Variants in XIRP2 observed in about 807,000 individuals in gnomAD.
The protein encoded by XIRP2 is xin actin binding repeat containing 2.
XIRP2 carries 236 observed loss-of-function variants against 277.0 expected under a neutral mutation model. The observed-to-expected ratio is 0.85, with a 90% CI of 0.77 to 0.95. The LOEUF is 0.95. Among genes scored for constraint, XIRP2 ranks in the 40% least tolerant of loss-of-function variants. XIRP2 has a pLI of 0.00. For missense variants in XIRP2, 4,640 were observed against 4,157.5 expected (o/e 1.12, Z -3.19); for synonymous variants, 1,490 against 1,416.5 (o/e 1.05, Z -1.17).
intron 3 of XIRP2, among the ~76,000 whole-genome samples, chr2:167,170,900 T>C (rs1305030552): frequency 1.4e-5 from 2 of 142,936 alleles, no homozygotes; most frequent in African/African-American, 2.6e-5. Context: ...TCTTCTTTTT[T>C]TTTTTTTTTT....
chr2:167,254,445 A>T (rs1216593354), intron 10 of XIRP2, among the ~76,000 whole-genome samples: 1 of 151,968 alleles, frequency 6.6e-6, no homozygotes, highest in Non-Finnish European at 1.5e-5. Context: ...CAAGATTTTT[A>T]AGTTAGTGTG....
chr2:167,173,615 A>G (rs1354391970), intron 3 of XIRP2, among the ~76,000 whole-genome samples: 2 of 152,230 alleles, frequency 1.3e-5, no homozygotes, highest in Admixed American at 1.3e-4. Flanking sequence ...TCTCTTCAAT[A>G]CATTGATTTC....
At chr2:166,928,467 A>C (rs987023002) in intron 2 of XIRP2, among the ~76,000 whole-genome samples, 1 of 152,162 alleles carries the variant, frequency 6.6e-6, no homozygotes, top group Non-Finnish European at 1.5e-5. Context: ...CCAAGTTTGC[A>C]TTAACTTTTT....
At chr2:167,186,325 A>G (rs1693152898) in intron 3 of XIRP2, among the ~76,000 whole-genome samples, 1 of 152,212 alleles carries the variant, frequency 6.6e-6, no homozygotes, top group African/African-American at 2.4e-5. Flanking sequence ...CCAATATTGT[A>G]TATGGAAAAA....
chr2:167,158,968 G>A (rs1293879581), intron 3 of XIRP2, among the ~76,000 whole-genome samples: 2 of 152,130 alleles, frequency 1.3e-5, no homozygotes, highest in South Asian at 2.1e-4. Flanking sequence ...CTACCTCTGG[G>A]GGGTAGGAGG....
chr2:167,084,857 G>T (rs1172100640), intron 2 of XIRP2, among the ~76,000 whole-genome samples: 5 of 150,584 alleles, frequency 3.3e-5, no homozygotes, highest in South Asian at 4.2e-4. Flanking sequence ...TCTTGCTAGC[G>T]GTCTATCACT....
intron 3 of XIRP2, among the ~76,000 whole-genome samples, chr2:167,199,938 GA>G (rs1380574351): frequency 2.0e-5 from 3 of 151,832 alleles, no homozygotes; most frequent in South Asian, 2.1e-4. Flanking sequence ...ATTAGGGTCA[GA>G]AAAAAAAGTT....
intron 2 of XIRP2, among the ~76,000 whole-genome samples, chr2:167,086,098 GT>G (rs1689933275): frequency 6.6e-6 from 1 of 152,030 alleles, no homozygotes; most frequent in South Asian, 2.1e-4. Context: ...TCCTTTCCAT[GT>G]TTAGCACTTC....
At chr2:167,165,051 C>A (rs547673469) in intron 3 of XIRP2, among the ~76,000 whole-genome samples, 13 of 152,270 alleles carry the variant, frequency 8.5e-5, no homozygotes, top group Non-Finnish European at 1.8e-4. Context: ...TTTATTGTCT[C>A]CGTAGCTTTG....
intron 3 of XIRP2, among the ~76,000 whole-genome samples, chr2:167,177,040 T>C (rs79065409): frequency 0.039 from 6,015 of 152,304 alleles, 130 homozygotes; most frequent in Non-Finnish European, 0.051. Context: ...CTGAGTGAAC[T>C]TCTATGGGAG....
intron 2 of XIRP2, among the ~76,000 whole-genome samples, chr2:166,959,572 T>C (rs989586056): frequency 1.3e-5 from 2 of 151,822 alleles, no homozygotes; most frequent in Admixed American, 6.6e-5. Context: ...AGGCAACCAT[T>C]ATGAAGGAAT....
At chr2:166,946,487 A>C (rs1685867289) in intron 2 of XIRP2, among the ~76,000 whole-genome samples, 1 of 152,102 alleles carries the variant, frequency 6.6e-6, no homozygotes, top group South Asian at 2.1e-4. Flanking sequence ...CTCTTATTCT[A>C]ATTTAGATTA....
intron 3 of XIRP2, among the ~76,000 whole-genome samples, chr2:167,189,952 C>G (rs1693277353): frequency 6.6e-6 from 1 of 152,118 alleles, no homozygotes; most frequent in Non-Finnish European, 1.5e-5. Context: ...TAAGGGGTCC[C>G]CACAACTCCC....
intron 2 of XIRP2, among the ~76,000 whole-genome samples, chr2:167,134,924 A>G (rs1691499456): frequency 2.6e-5 from 4 of 152,144 alleles, no homozygotes; most frequent in Non-Finnish European, 2.9e-5. Flanking sequence ...AGATGGAGTG[A>G]TCCTCAGATC....
chr2:167,244,476 G>A lies in XIRP2; in HGVS notation c.3084G>A (p.Gln1028=), dbSNP rs1695182215. 7 of 1,613,766 alleles carry A rather than the reference G, an allele frequency of 4.3e-6. No individual in the cohort carries two copies. Among genetic ancestry groups the A allele is most frequent in the African/African-American group, 1.3e-5 (1 of 74,998 alleles). ...TTTTTGAAACAAGGCCCATTGACCA[G>A]TTTGATGAAAGCATTCATAAATTTC... The part of the protein sequence containing the change: ...RWLFETRPID[Q]FDESIHKFQI... The change falls in exon 9 of 11, where the codon CAG becomes CAA. Residue 1028 remains glutamine (Q), a synonymous_variant. Transcript: ENST00000409195.
intron 2 of XIRP2, among the ~76,000 whole-genome samples, chr2:167,021,662 CA>C (rs1687985871): frequency 6.6e-6 from 1 of 151,742 alleles, no homozygotes; most frequent in African/African-American, 2.4e-5. Flanking sequence ...CTAGTCTCTA[CA>C]AAAAATAAAA....
intron 2 of XIRP2, among the ~76,000 whole-genome samples, chr2:167,107,036 C>A (rs1229558516): frequency 6.6e-6 from 1 of 151,508 alleles, no homozygotes; most frequent in Non-Finnish European, 1.5e-5. Flanking sequence ...CCTTCCCAAA[C>A]TCATTCTTTA....
Position 167,244,580 on chromosome 2 carries a change from C to T in XIRP2, c.3188C>T (p.Pro1063Leu). 1 of 1,612,582 alleles carries T rather than the reference C, an allele frequency of 6.2e-7. No homozygotes were observed. The highest frequency in any genetic ancestry group is 8.5e-7 in the Non-Finnish European group (1 of 1,179,466). ...GCCAAATGGTTGTTTGAAACCCAAC[C>T]TCTTGATTCAATTAAATATTTTAGT... Reference protein sequence around the residue: ...KSAKWLFETQPLDSIKYFSDV... With the variant: ...KSAKWLFETQLLDSIKYFSDV... The change falls in exon 9 of 11, where the codon CCT (proline) becomes CTT (leucine). Residue 1063 changes from proline to leucine, a missense_variant. Coordinates refer to ENST00000409195, the MANE Select transcript of XIRP2 (RefSeq NM_152381.6).
Position 167,018,330 on chromosome 2 carries a change from C to T in XIRP2, c.408+114440C>T, listed in dbSNP as rs1392879969. ...GTCCTCAGACCCTATTTTCCTTGCACCACTCTTAATACTATTTGTGTTAGT... is the reference window on the plus strand; with the variant it reads ...GTCCTCAGACCCTATTTTCCTTGCATCACTCTTAATACTATTTGTGTTAGT... On this transcript the variant is annotated intron_variant, in intron 2 of 10. Coordinates refer to ENST00000409195, the MANE Select transcript of XIRP2 (RefSeq NM_152381.6). Among the ~76,000 whole-genome samples the T allele has an allele frequency of 2.0e-5, 3 of 151,994 alleles. No individual in the cohort carries two copies. In the East Asian group the frequency reaches 5.8e-4, roughly 29 times the overall value.
Sources: gnomAD v4.1 joint callset for allele counts (sites outside exome capture counted in the v4.1 genomes callset) on GRCh38, gnomAD v4.1.1 for gene constraint, MANE v1.5 for transcripts, NCBI Gene and HGNC (gene_info 2026-07-23, HGNC 2026-07-21) for gene names.